The following PTPRD variants were observed in gnomAD, a reference collection of about 807,000 sequenced individuals.
PTPRD encodes protein tyrosine phosphatase receptor type D.
In PTPRD, 34 loss-of-function variants were observed where a neutral mutation model predicts 214.5. That is an observed-to-expected ratio of 0.16 (90% CI 0.12 to 0.21). The LOEUF (loss-of-function observed/expected upper bound fraction) is 0.21, where lower values mean the gene tolerates loss of function less well. Among genes scored for constraint, PTPRD ranks in the 10% least tolerant of loss-of-function variants. The probability of loss-of-function intolerance (pLI) is 1.00; values close to 1 mark genes in which losing one functional copy is unlikely to be tolerated. For synonymous variants in PTPRD, 1,128 were observed against 845.7 expected, an observed-to-expected ratio of 1.33 and a Z score of -5.79; for missense variants, 2,545 against 2,398.7, an observed-to-expected ratio of 1.06 and a Z score of -1.27.
At chr9:8,657,750 T>C (rs1180231468) in intron 12 of PTPRD, among the ~76,000 whole-genome samples, 1 of 152,216 alleles carries the variant, frequency 6.6e-6, no homozygotes, top group Non-Finnish European at 1.5e-5. Flanking sequence ...GCATACATTT[T>C]ACTAAGTCTA....
intron 10 of PTPRD, among the ~76,000 whole-genome samples, chr9:9,052,140 G>A (rs1371876471): frequency 1.3e-5 from 2 of 152,122 alleles, no homozygotes; most frequent in Non-Finnish European, 2.9e-5. Flanking sequence ...GTTCACAGAT[G>A]GCACCTTCTC....
At chr9:9,047,198 C>A (rs766673450) in intron 10 of PTPRD, among the ~76,000 whole-genome samples, 1 of 151,774 alleles carries the variant, frequency 6.6e-6, no homozygotes, top group African/African-American at 2.4e-5. Context: ...ATTAACCAAA[C>A]AAGTGAAAAA....
At chr9:9,955,681 G>T (rs1237350227) in intron 4 of PTPRD, among the ~76,000 whole-genome samples, 1 of 151,934 alleles carries the variant, frequency 6.6e-6, no homozygotes, top group African/African-American at 2.4e-5. Flanking sequence ...CCGCCACCAT[G>T]CCCGACTAAT....
intron 2 of PTPRD, among the ~76,000 whole-genome samples, chr9:10,568,192 C>A (rs542121029): frequency 6.6e-6 from 1 of 150,748 alleles, no homozygotes; most frequent in Non-Finnish European, 1.5e-5. Context: ...GTTCAATTCC[C>A]ACCTATGAGT....
intron 9 of PTPRD, among the ~76,000 whole-genome samples, chr9:9,358,702 G>A (rs1006134241): frequency 2.6e-5 from 4 of 151,348 alleles, no homozygotes; most frequent in Admixed American, 2.0e-4. Flanking sequence ...CAGAGAGAAT[G>A]GTAGAACTAA....
chr9:10,000,908 T>C (rs2096292526), intron 4 of PTPRD, among the ~76,000 whole-genome samples: 1 of 152,126 alleles, frequency 6.6e-6, no homozygotes, highest in South Asian at 2.1e-4. Context: ...GGTCAGGTTT[T>C]TCTGGGCTAT....
chr9:10,104,669 C>T (rs2098605981), intron 3 of PTPRD, among the ~76,000 whole-genome samples: 1 of 151,736 alleles, frequency 6.6e-6, no homozygotes, highest in Non-Finnish European at 1.5e-5. Flanking sequence ...TATTAAAACG[C>T]CAGTACTTAT....
At chr9:8,870,517 T>G (rs564362852) in intron 11 of PTPRD, among the ~76,000 whole-genome samples, 30 of 152,170 alleles carry the variant, frequency 2.0e-4, no homozygotes, top group African/African-American at 7.0e-4. Flanking sequence ...CTTTCCAAAT[T>G]CTTTTGGTTC....
Position 10,212,296 on chromosome 9 carries a change from G to A in PTPRD, c.-545+128667C>T, listed in dbSNP as rs187983964. Among the ~76,000 whole-genome samples, 99 of 152,128 alleles carry A rather than the reference G, an allele frequency of 6.5e-4. 1 individual carries two copies. Among genetic ancestry groups the A allele is most frequent in the East Asian group, 1.9e-4 (1 of 5,144 alleles). ...ATAAAAAATGGAACTCATAGAAATT[G>A]ATATCAAGGCATCTTAATTTATCAT... On this transcript the variant is annotated intron_variant, in intron 3 of 45. Transcript: ENST00000381196.
At chr9:8,559,506 C>G (rs1003356373) in intron 14 of PTPRD, among the ~76,000 whole-genome samples, 1 of 152,158 alleles carries the variant, frequency 6.6e-6, no homozygotes, top group African/African-American at 2.4e-5. Flanking sequence ...AATAGAGAAA[C>G]CAGAAGTTAT....
intron 11 of PTPRD, among the ~76,000 whole-genome samples, chr9:8,979,787 A>C (rs2099297871): frequency 6.6e-6 from 1 of 152,128 alleles, no homozygotes; most frequent in African/African-American, 2.4e-5. Context: ...TGTTCATGGG[A>C]ATAGAGATTG....
At chr9:9,373,614 A>G (rs906942940) in intron 9 of PTPRD, among the ~76,000 whole-genome samples, 5 of 151,988 alleles carry the variant, frequency 3.3e-5, no homozygotes, top group Non-Finnish European at 4.4e-5. Context: ...CCTCACTCCA[A>G]TCTCTGATTC....
chr9:9,400,441 T>A (rs1018377354), intron 8 of PTPRD, among the ~76,000 whole-genome samples: 2 of 34,066 alleles, frequency 5.9e-5, no homozygotes, highest in African/African-American at 3.0e-4. Context: ...CCAATCAAAA[T>A]CCGTCCTTCT....
At chr9:10,414,837 A>G (rs1030442030) in intron 2 of PTPRD, among the ~76,000 whole-genome samples, 5 of 151,980 alleles carry the variant, frequency 3.3e-5, no homozygotes, top group Admixed American at 2.6e-4. Flanking sequence ...TAATGCAGAA[A>G]CAGAAAGGCA....
chr9:8,571,491 T>C (rs192420111), intron 14 of PTPRD, among the ~76,000 whole-genome samples: 21 of 152,264 alleles, frequency 1.4e-4, no homozygotes, highest in African/African-American at 5.1e-4. Flanking sequence ...TGGCTGATAA[T>C]ATCTATGCAT....
At chr9:10,266,670 A>G (rs1387118088) in intron 3 of PTPRD, among the ~76,000 whole-genome samples, 3 of 152,168 alleles carry the variant, frequency 2.0e-5, no homozygotes, top group Non-Finnish European at 4.4e-5. Flanking sequence ...AAGGACTACA[A>G]TTTGAATTGA....
At chr9:9,841,460 A>G (rs1052553426) in intron 5 of PTPRD, among the ~76,000 whole-genome samples, 2 of 152,190 alleles carry the variant, frequency 1.3e-5, no homozygotes, top group East Asian at 1.9e-4. Flanking sequence ...GAGATAATCC[A>G]TGAAGAAAAT....
At chr9:8,494,595 A>C (rs192996973) in intron 26 of PTPRD, among the ~76,000 whole-genome samples, 51 of 152,348 alleles carry the variant, frequency 3.3e-4, no homozygotes, top group African/African-American at 1.1e-3. Flanking sequence ...GCTAACTGGA[A>C]AAAGCAGCAA....
intron 22 of PTPRD, among the ~76,000 whole-genome samples, chr9:8,506,643 A>G (rs1178658642): frequency 3.9e-5 from 6 of 151,942 alleles, no homozygotes; most frequent in Non-Finnish European, 5.9e-5. Flanking sequence ...CAGTGCTACT[A>G]TAAAAATTAC....
Sources: allele counts gnomAD v4.1 joint callset (sites outside exome capture counted in the v4.1 genomes callset), GRCh38; gene constraint gnomAD v4.1.1; transcripts MANE v1.5; gene names NCBI Gene and HGNC (gene_info 2026-07-23, HGNC 2026-07-21).